The following GATAD2B variants were observed in gnomAD, a reference collection of about 807,000 sequenced individuals.
The protein encoded by GATAD2B is GATA zinc finger domain containing 2B, also known as transcriptional repressor p66-beta.
GATAD2B carries 8 observed loss-of-function variants against 64.3 expected under a neutral mutation model. The ratio of observed to expected loss-of-function variants is 0.12; its 90% confidence interval spans 0.07 to 0.22. The LOEUF (loss-of-function observed/expected upper bound fraction) is 0.22. GATAD2B is among the 10% of genes least tolerant of loss of function. The pLI, the probability that GATAD2B is intolerant of heterozygous loss-of-function variation, is 1.00. For synonymous variants in GATAD2B, 281 were observed against 271.3 expected, an observed-to-expected ratio of 1.04 and a Z score of -0.35; for missense variants, 453 against 752.0, an observed-to-expected ratio of 0.60 and a Z score of 4.65.
chr1:153,858,845 T>C (rs1676176041), intron 1 of GATAD2B, among the ~76,000 whole-genome samples: 1 of 151,944 alleles, frequency 6.6e-6, no homozygotes, highest in East Asian at 1.9e-4. Flanking sequence ...GAGAGTGGTG[T>C]TAGGGTAGGG....
In GATAD2B at chr1:153,913,891, G is replaced by A. The variant is rs1467730913; in HGVS notation, c.-2+8842C>T. On this transcript the variant is annotated intron_variant, in intron 1 of 10. Coordinates refer to ENST00000368655, the MANE Select transcript of GATAD2B (RefSeq NM_020699.4). Reference sequence around the variant, plus strand: ...GCCGAGATCGTGCCACTGCACTCCAGCCTGGATGACAGAGCAAGACTCTGT... The same window carrying A: ...GCCGAGATCGTGCCACTGCACTCCAACCTGGATGACAGAGCAAGACTCTGT... Among the ~76,000 whole-genome samples, 7 of 147,704 alleles carry A rather than the reference G, an allele frequency of 4.7e-5. No individual in the cohort carries two copies. The East Asian group carries it at 1.4e-3, about 29-fold the overall frequency.
chr1:153,862,032 G>A (rs1362113241), intron 1 of GATAD2B, among the ~76,000 whole-genome samples: 1 of 148,990 alleles, frequency 6.7e-6, no homozygotes, highest in Non-Finnish European at 1.5e-5. Context: ...ATACCTAGTT[G>A]CTAAAAGAGT....
rs1023654616 is a variant in GATAD2B at position 153,806,270 on chromosome 1, G to C, written c.*3907C>G. 2 of 152,156 alleles carry C rather than the reference G, an allele frequency of 1.3e-5. No individual in the cohort carries two copies. The highest frequency in any genetic ancestry group is 4.8e-5 in the African/African-American group (2 of 41,426). 9.4% of individuals were successfully genotyped at this position (152,156 alleles called of 1,614,324 possible). A position where few individuals can be genotyped will look rare whatever the true frequency, so the allele number is the denominator to read the frequency against. ...TTCCCCACAGTATCAACCTAATGCTGGGGGATAGGGAGGGTGGGCAGGTTA... is the reference window on the plus strand; with the variant it reads ...TTCCCCACAGTATCAACCTAATGCTCGGGGATAGGGAGGGTGGGCAGGTTA... On this transcript the variant is annotated 3_prime_UTR_variant, in exon 11 of 11. Coordinates refer to ENST00000368655, the MANE Select transcript of GATAD2B (RefSeq NM_020699.4).
intron 1 of GATAD2B, among the ~76,000 whole-genome samples, chr1:153,845,686 G>C (rs1410061245): frequency 2.0e-5 from 3 of 150,708 alleles, no homozygotes; most frequent in Non-Finnish European, 4.4e-5. Context: ...GCTTGAGCCT[G>C]GGAGGTTGAG....
chr1:153,853,294 C>T (rs1675969477), intron 1 of GATAD2B: 1 of 870,208 alleles, frequency 1.1e-6, no homozygotes, highest in Non-Finnish European at 2.0e-6. Flanking sequence ...TCAAGTAGGA[C>T]ACTGGTCCTT....
intron 1 of GATAD2B, among the ~76,000 whole-genome samples, chr1:153,885,609 T>G (rs1258304576): frequency 1.3e-5 from 2 of 151,858 alleles, no homozygotes; most frequent in East Asian, 3.9e-4. Flanking sequence ...GGCTCATGCC[T>G]GTAATCCCAG....
chr1:153,844,469 C>A (rs1449816895), intron 1 of GATAD2B, among the ~76,000 whole-genome samples: 15 of 146,228 alleles, frequency 1.0e-4, no homozygotes, highest in Admixed American at 4.8e-4. Flanking sequence ...AACTGAATTG[C>A]AAATCAACCC....
In GATAD2B at chr1:153,806,830, T is replaced by C. The variant is rs1057385552; in HGVS notation, c.*3347A>G. On this transcript the variant is annotated 3_prime_UTR_variant, in exon 11 of 11. Transcript: ENST00000368655. ...GAGGAGTGGGGAGAAAAGGGAATGA[T>C]TAGGGAAAAGGAACAAAAGTAAAAT... 2 of 151,956 alleles carry C rather than the reference T, an allele frequency of 1.3e-5. No individual in the cohort carries two copies. Among genetic ancestry groups the C allele is most frequent in the Non-Finnish European group, 2.9e-5 (2 of 67,914 alleles). 9.4% of individuals were successfully genotyped at this position (151,956 alleles called of 1,614,324 possible). A position where few individuals can be genotyped will look rare whatever the true frequency, so the allele number is the denominator to read the frequency against.
At position 153,839,373 on chromosome 1, in the gene GATAD2B, A is replaced by G. The variant is rs980955028; in HGVS notation, c.-1-11025T>C. Among the ~76,000 whole-genome samples, 3 of 152,080 alleles carry G rather than the reference A, an allele frequency of 2.0e-5. No homozygotes were observed. The East Asian group carries it at 5.8e-4, about 29-fold the overall frequency. ...GGGAATGAAGAGGGTGAACAAAATA[A>G]ATTAACATATATAGGAGTACCTGGT... On this transcript the variant is annotated intron_variant, in intron 1 of 10. Transcript: ENST00000368655.
At chr1:153,834,161 C>T (rs746861933) in intron 1 of GATAD2B, among the ~76,000 whole-genome samples, 16 of 151,764 alleles carry the variant, frequency 1.1e-4, no homozygotes, top group Non-Finnish European at 2.9e-5. Context: ...CACCACCACG[C>T]CCAGCTAATT....
chr1:153,895,517 C>T (rs556247729), intron 1 of GATAD2B, among the ~76,000 whole-genome samples: 83 of 149,898 alleles, frequency 5.5e-4, no homozygotes, highest in African/African-American at 1.9e-3. Context: ...GAGATTGGGG[C>T]TGCAGTGAGC....
intron 1 of GATAD2B, among the ~76,000 whole-genome samples, chr1:153,857,499 C>T (rs1025700806): frequency 2.0e-5 from 3 of 152,048 alleles, no homozygotes; most frequent in East Asian, 3.9e-4. Flanking sequence ...TCATAGAAAA[C>T]GGATGCCCTT....
chr1:153,899,172 T>C (rs1677691763), intron 1 of GATAD2B, among the ~76,000 whole-genome samples: 1 of 152,244 alleles, frequency 6.6e-6, no homozygotes, highest in African/African-American at 2.4e-5. Context: ...AGAGGACTGC[T>C]TGACCCAGAA....
At chr1:153,840,340 T>C (rs1675436201) in intron 1 of GATAD2B, among the ~76,000 whole-genome samples, 2 of 118,510 alleles carry the variant, frequency 1.7e-5, no homozygotes, top group Non-Finnish European at 4.0e-5. Context: ...CTGCTGAAAA[T>C]ACTTATTTTT....
At chr1:153,872,569 C>A (rs1676705463) in intron 1 of GATAD2B, among the ~76,000 whole-genome samples, 1 of 151,456 alleles carries the variant, frequency 6.6e-6, no homozygotes, top group Non-Finnish European at 1.5e-5. Flanking sequence ...AAAAAAACCC[C>A]ACAAAACTAA....
intron 1 of GATAD2B, among the ~76,000 whole-genome samples, chr1:153,892,569 T>C (rs1677449630): frequency 6.6e-6 from 1 of 152,108 alleles, no homozygotes; most frequent in Admixed American, 6.6e-5. Flanking sequence ...TCAGAATTGA[T>C]GGATAAGATA....
Position 153,809,958 on chromosome 1 carries a change from C to T in GATAD2B, c.*219G>A, listed in dbSNP as rs774339605. 8.0e-5 allele frequency: 37 copies of T among 465,168 alleles called. No homozygotes were observed. In the East Asian group the frequency reaches 1.2e-3, roughly 15 times the overall value. 28.8% of individuals were successfully genotyped at this position (465,168 alleles called of 1,614,324 possible). A position where few individuals can be genotyped will look rare whatever the true frequency, so the allele number is the denominator to read the frequency against. On this transcript the variant is annotated 3_prime_UTR_variant, in exon 11 of 11. Coordinates refer to ENST00000368655, the MANE Select transcript of GATAD2B (RefSeq NM_020699.4). Reference sequence around the variant, plus strand: ...AGAAAACTGAAGAGAGAAGACAGAGCGGCAGAAGAACAGATCGCAGCAGTG... The same window carrying T: ...AGAAAACTGAAGAGAGAAGACAGAGTGGCAGAAGAACAGATCGCAGCAGTG...
intron 1 of GATAD2B, among the ~76,000 whole-genome samples, chr1:153,842,472 T>C (rs1675531355): frequency 6.6e-6 from 1 of 152,190 alleles, no homozygotes; most frequent in Non-Finnish European, 1.5e-5. Flanking sequence ...TCTCGCCCTC[T>C]CTCCTCCTTC....
At chr1:153,905,835 G>A (rs1223777187) in intron 1 of GATAD2B, among the ~76,000 whole-genome samples, 1 of 151,152 alleles carries the variant, frequency 6.6e-6, no homozygotes, top group Non-Finnish European at 1.5e-5. Flanking sequence ...GGGAGGCCGA[G>A]GTGGGCAGAT....
Sources: gnomAD v4.1 joint callset for allele counts (sites outside exome capture counted in the v4.1 genomes callset) on GRCh38, gnomAD v4.1.1 for gene constraint, MANE v1.5 for transcripts, NCBI Gene and HGNC (gene_info 2026-07-23, HGNC 2026-07-21) for gene names.